Variants in CNTN5 observed in about 807,000 individuals in gnomAD.
CNTN5 encodes the protein contactin-5.
A neutral mutation model predicts 129.1 loss-of-function variants in CNTN5; 77 were observed. That is an observed-to-expected ratio of 0.60 (90% CI 0.50 to 0.72). CNTN5 has a LOEUF of 0.72. CNTN5 is among the 30% of genes least tolerant of loss of function. The pLI, the probability that CNTN5 is intolerant of heterozygous loss-of-function variation, is 0.00. For missense variants in CNTN5, 1,478 were observed against 1,328.8 expected, an observed-to-expected ratio of 1.11 and a Z score of -1.75; for synonymous variants, 509 against 465.6, an observed-to-expected ratio of 1.09 and a Z score of -1.20.
At chr11:100,185,477 G>T (rs184899167) in intron 13 of CNTN5, among the ~76,000 whole-genome samples, 1 of 152,104 alleles carries the variant, frequency 6.6e-6, no homozygotes, top group East Asian at 1.9e-4. Flanking sequence ...TGATAAAGAA[G>T]AGCGAGGTCT....
At chr11:99,379,418 A>C (rs571810607) in intron 2 of CNTN5, among the ~76,000 whole-genome samples, 2 of 152,138 alleles carry the variant, frequency 1.3e-5, no homozygotes, top group African/African-American at 4.8e-5. Context: ...TTCTGGTTCA[A>C]TACCTTTCTC....
intron 1 of CNTN5, among the ~76,000 whole-genome samples, chr11:99,093,968 C>T (rs753909352): frequency 2.0e-5 from 3 of 151,878 alleles, no homozygotes; most frequent in Non-Finnish European, 4.4e-5. Context: ...TTGGAAATAA[C>T]ATATTGATAT....
At chr11:100,021,501 T>C (rs751679154) in intron 9 of CNTN5, among the ~76,000 whole-genome samples, 1 of 152,236 alleles carries the variant, frequency 6.6e-6, no homozygotes, top group Non-Finnish European at 1.5e-5. Context: ...TATTATATAG[T>C]GTACATACTT....
chr11:99,700,738 T>C (rs1313202396), intron 3 of CNTN5, among the ~76,000 whole-genome samples: 4 of 151,030 alleles, frequency 2.6e-5, no homozygotes, highest in Admixed American at 2.6e-4. Context: ...AAATGGCTAC[T>C]GTCCTGGTCC....
chr11:99,316,055 T>G (rs1436596502), intron 1 of CNTN5, among the ~76,000 whole-genome samples: 1 of 151,788 alleles, frequency 6.6e-6, no homozygotes, highest in Non-Finnish European at 1.5e-5. Context: ...ATGATAAAGG[T>G]GGCATACTTT....
intron 1 of CNTN5, among the ~76,000 whole-genome samples, chr11:99,308,533 C>A (rs1459968050): frequency 3.9e-5 from 6 of 151,906 alleles, no homozygotes; most frequent in South Asian, 4.2e-4. Flanking sequence ...TAAAATTGAA[C>A]ATAAAATATA....
chr11:100,242,771 T>G (rs1949769156), intron 16 of CNTN5, among the ~76,000 whole-genome samples: 1 of 152,158 alleles, frequency 6.6e-6, no homozygotes, highest in African/African-American at 2.4e-5. Context: ...AGGACACAGA[T>G]CTAAACCAGA....
Position 99,905,239 on chromosome 11 carries a change from C to T in CNTN5, c.578-10815C>T, listed in dbSNP as rs1949467630. Among the ~76,000 whole-genome samples, 3 of 152,046 alleles carry T rather than the reference C, an allele frequency of 2.0e-5. No homozygotes were observed. In the South Asian group the frequency reaches 6.2e-4, roughly 32 times the overall value. On this transcript the variant is annotated intron_variant, in intron 6 of 24. Transcript: ENST00000524871. ...CATGCCTATGTCCCGAATGGTATTG[C>T]CTAGGTTTTCTTCAAGGGTTTTTGT...
chr11:99,682,851 C>T (rs1445359862), intron 3 of CNTN5, among the ~76,000 whole-genome samples: 2 of 151,868 alleles, frequency 1.3e-5, no homozygotes, highest in Non-Finnish European at 2.9e-5. Flanking sequence ...GGTGTTGTTT[C>T]ATGTTGCTCA....
At chr11:99,912,563 A>C (rs11221884) in intron 6 of CNTN5, among the ~76,000 whole-genome samples, 1 of 151,534 alleles carries the variant, frequency 6.6e-6, no homozygotes, top group African/African-American at 2.4e-5. Context: ...CATCTGATCA[A>C]TATGGCTCAA....
chr11:100,042,400 G>A (rs1942434691), intron 9 of CNTN5, among the ~76,000 whole-genome samples: 1 of 152,050 alleles, frequency 6.6e-6, no homozygotes, highest in Non-Finnish European at 1.5e-5. Context: ...AGTCACAAAG[G>A]AGCCATAACT....
chr11:99,184,235 T>C (rs1171803961), intron 1 of CNTN5, among the ~76,000 whole-genome samples: 1 of 152,140 alleles, frequency 6.6e-6, no homozygotes, highest in Non-Finnish European at 1.5e-5. Flanking sequence ...TCTTTGCTTA[T>C]CTGTGCTCTT....
intron 1 of CNTN5, among the ~76,000 whole-genome samples, chr11:99,197,842 A>G (rs1858981743): frequency 6.6e-6 from 1 of 152,154 alleles, no homozygotes; most frequent in Non-Finnish European, 1.5e-5. Context: ...TTCTAATAGT[A>G]GAGATAATTT....
intron 3 of CNTN5, among the ~76,000 whole-genome samples, chr11:99,743,884 C>G (rs1222633800): frequency 6.6e-6 from 1 of 152,134 alleles, no homozygotes; most frequent in African/African-American, 2.4e-5. Context: ...TAATTCTTCT[C>G]ATCTTATTAC....
At chr11:100,285,407 G>C (rs1160947807) in intron 18 of CNTN5, among the ~76,000 whole-genome samples, 3 of 152,118 alleles carry the variant, frequency 2.0e-5, no homozygotes, top group African/African-American at 7.2e-5. Context: ...AGAGTCAAGA[G>C]AATGTTTTAG....
intron 2 of CNTN5, among the ~76,000 whole-genome samples, chr11:99,543,324 C>G (rs1271221658): frequency 3.3e-5 from 5 of 152,112 alleles, no homozygotes; most frequent in Non-Finnish European, 7.3e-5. Context: ...GGTCACTGGC[C>G]AATTGACTGT....
intron 1 of CNTN5, among the ~76,000 whole-genome samples, chr11:99,308,196 T>C (rs1458277854): frequency 1.3e-5 from 2 of 152,210 alleles, no homozygotes; most frequent in East Asian, 1.9e-4. Flanking sequence ...TTCTTACTCC[T>C]CTTTTTATGA....
At chr11:99,441,018 C>G (rs1943807028) in intron 2 of CNTN5, among the ~76,000 whole-genome samples, 1 of 151,982 alleles carries the variant, frequency 6.6e-6, no homozygotes, top group African/African-American at 2.4e-5. Flanking sequence ...GAGGGTCTTG[C>G]TATGTTGTCC....
chr11:100,318,308 A>C (rs1339682564), intron 21 of CNTN5, among the ~76,000 whole-genome samples: 1 of 150,632 alleles, frequency 6.6e-6, no homozygotes, highest in East Asian at 2.0e-4. Flanking sequence ...AATTTATTGC[A>C]CCACCTCTAA....
Sources: allele counts gnomAD v4.1 joint callset (sites outside exome capture counted in the v4.1 genomes callset), GRCh38; gene constraint gnomAD v4.1.1; transcripts MANE v1.5; gene names NCBI Gene and HGNC (gene_info 2026-07-23, HGNC 2026-07-21).